C4orf51: variants seen among roughly 807,000 people sequenced by gnomAD.
C4orf51 encodes the protein uncharacterized protein C4orf51.
Under a neutral mutation model 25.2 loss-of-function variants are expected in C4orf51, and 25 were observed. The ratio of observed to expected loss-of-function variants is 0.99; its 90% CI spans 0.72 to 1.39. The LOEUF (loss-of-function observed/expected upper bound fraction) is 1.39, where lower values mean the gene tolerates loss of function less well. C4orf51 is among the 40% of genes most tolerant of loss of function. The pLI, the probability that C4orf51 is intolerant of heterozygous loss-of-function variation, is 0.00. For missense variants in C4orf51, 252 were observed against 239.6 expected (o/e 1.05, Z -0.34); for synonymous variants, 100 against 84.5 (o/e 1.18, Z -1.01).
intron 2 of C4orf51, among the ~76,000 whole-genome samples, chr4:145,715,163 A>G (rs1731341110): frequency 6.6e-6 from 1 of 152,126 alleles, no homozygotes; most frequent in Non-Finnish European, 1.5e-5. Flanking sequence ...CCCATGGGCC[A>G]GTTGGGGTGG....
chr4:145,784,862 TAC>T, the C4orf51 span, among the ~76,000 whole-genome samples: 1 of 152,250 alleles, frequency 6.6e-6, no homozygotes, highest in African/African-American at 2.4e-5. Flanking sequence ...TCTTTTTTTG[TAC>T]AGAGTCTCAT....
chr4:145,694,974 C>A (rs981448214), intron 1 of C4orf51, among the ~76,000 whole-genome samples: 1 of 152,100 alleles, frequency 6.6e-6, no homozygotes, highest in African/African-American at 2.4e-5. Context: ...TAAGAAAGTC[C>A]AACTGTAGTT....
intron 1 of C4orf51, chr4:145,764,892 T>A: frequency 6.4e-7 from 1 of 1,570,118 alleles, no homozygotes; most frequent in South Asian, 1.1e-5. Flanking sequence ...CCCTTCTCCA[T>A]GACTCCCAAA....
intron 1 of C4orf51, among the ~76,000 whole-genome samples, chr4:145,768,858 CAAAAAAAA>C (rs1174930111): frequency 4.4e-4 from 2 of 4,530 alleles, no homozygotes; most frequent in African/African-American, 5.5e-4. Context: ...GACTCCGTCT[CAAAAAAAA>C]AAAAAAAAAA....
intron 2 of C4orf51, among the ~76,000 whole-genome samples, chr4:145,714,589 C>T (rs968640186): frequency 1.3e-5 from 2 of 152,126 alleles, no homozygotes; most frequent in African/African-American, 2.4e-5. Flanking sequence ...GTGTTCTCTT[C>T]GTGGCTCACT....
At chr4:145,748,125 A>G (rs1432148212) in intron 1 of C4orf51, among the ~76,000 whole-genome samples, 1 of 152,032 alleles carries the variant, frequency 6.6e-6, no homozygotes, top group Non-Finnish European at 1.5e-5. Context: ...GATAGGTTGT[A>G]TGCATCTAGA....
At chr4:145,685,912 A>G (rs145305325) in intron 1 of C4orf51, among the ~76,000 whole-genome samples, 1 of 152,326 alleles carries the variant, frequency 6.6e-6, no homozygotes, top group African/African-American at 2.4e-5. Context: ...ATGAGTAAAA[A>G]TTAAATCACA....
chr4:145,725,607 AAG>A (rs1553966617), intron 2 of C4orf51, among the ~76,000 whole-genome samples: 4 of 151,966 alleles, frequency 2.6e-5, no homozygotes, highest in Admixed American at 2.6e-4. Context: ...AATTAAAAAA[AAG>A]AACAAAATAC....
At position 145,680,214 on chromosome 4, in the gene C4orf51, A is replaced by G. The variant is rs1728736854; in HGVS notation, c.11A>G (p.Tyr4Cys). Residue 4 changes from tyrosine (Y) to cysteine (C), a missense_variant, in exon 1 of 6, where the codon TAC becomes TGC. Coordinates refer to ENST00000438731, the MANE Select transcript of C4orf51 (RefSeq NM_001080531.3). ...AGGCCGTTCGTAGTTATGTCACACT[A>G]CTTCTACTTGACTCCACAAATTCTT... MSH[Y>C]FYLTPQILLP... The G allele has an allele frequency of 6.2e-7, 1 of 1,611,974 alleles. No individual in the cohort carries two copies. Among genetic ancestry groups the G allele is most frequent in the Non-Finnish European group, 8.5e-7 (1 of 1,178,204 alleles).
intron 2 of C4orf51, among the ~76,000 whole-genome samples, chr4:145,705,237 G>C (rs943741836): frequency 1.3e-5 from 2 of 152,214 alleles, no homozygotes; most frequent in African/African-American, 4.8e-5. Flanking sequence ...AAACTCCTGA[G>C]ATCTTATCAG....
chr4:145,743,118 G>A (rs1476517501), intron 1 of C4orf51, among the ~76,000 whole-genome samples: 2 of 152,100 alleles, frequency 1.3e-5, no homozygotes, highest in African/African-American at 4.8e-5. Context: ...ACATGGTAAG[G>A]GTCAGATTTA....
chr4:145,708,151 A>G (rs755025367), intron 2 of C4orf51, among the ~76,000 whole-genome samples: 4 of 152,180 alleles, frequency 2.6e-5, no homozygotes, highest in Non-Finnish European at 4.4e-5. Flanking sequence ...AGAGCAGCCA[A>G]TAGTTGAGCT....
intron 1 of C4orf51, among the ~76,000 whole-genome samples, chr4:145,766,354 C>A (rs999235928): frequency 3.3e-5 from 5 of 152,108 alleles, no homozygotes; most frequent in African/African-American, 9.7e-5. Context: ...TTACTACTAA[C>A]AACTGAAAAA....
chr4:145,730,262 G>C (rs1008730859), intron 5 of C4orf51, among the ~76,000 whole-genome samples: 2 of 152,298 alleles, frequency 1.3e-5, no homozygotes, highest in Middle Eastern at 3.4e-3. Context: ...ATTTTCATCG[G>C]TGAGTTGTTG....
rs111517451 is a variant in C4orf51, at chr4:145,764,369, C to T, written n.167-6619C>T. On this transcript the variant is annotated intron_variant and non_coding_transcript_variant, in intron 1 of 1. Transcript: ENST00000510096. ...CTGTTATCAAGCCAGACACACAGTA[C>T]GTTTGATATTAGTTGATTGGTCTCA... 1.7e-3 allele frequency among the ~76,000 whole-genome samples: 253 copies of T among 152,294 alleles called. 1 individual carries two copies. The highest frequency in any genetic ancestry group is 5.7e-3 in the African/African-American group (236 of 41,554).
chr4:145,739,390 T>A (rs757781641), intron 1 of C4orf51, among the ~76,000 whole-genome samples: 50 of 152,334 alleles, frequency 3.3e-4, no homozygotes, highest in Non-Finnish European at 5.9e-4. Flanking sequence ...TCCCATAGAT[T>A]GTCTTGGTCC....
chr4:145,775,831 G>T, downstream of C4orf51: 1 of 1,614,190 alleles, frequency 6.2e-7, no homozygotes, highest in South Asian at 1.1e-5. Context: ...GCCTTCAGAG[G>T]TGACGGCGCT....
At chr4:145,702,062 C>A (rs1210057664) in intron 2 of C4orf51, among the ~76,000 whole-genome samples, 4 of 152,256 alleles carry the variant, frequency 2.6e-5, no homozygotes, top group African/African-American at 9.6e-5. Context: ...ATCACCCATA[C>A]CCCACTCAAC....
At chr4:145,784,327 G>A in the C4orf51 span, among the ~76,000 whole-genome samples, 1 of 152,298 alleles carries the variant, frequency 6.6e-6, no homozygotes, top group East Asian at 1.9e-4. Context: ...AGGGAAATAA[G>A]TCCCTGTTTG....
Sources: gnomAD v4.1 joint callset for allele counts (sites outside exome capture counted in the v4.1 genomes callset) on GRCh38, gnomAD v4.1.1 for gene constraint, MANE v1.5 for transcripts, NCBI Gene and HGNC (gene_info 2026-07-23, HGNC 2026-07-21) for gene names.